Variants in PTPRD observed in about 807,000 individuals in gnomAD.
The protein encoded by PTPRD is protein tyrosine phosphatase receptor type D, also known as receptor-type tyrosine-protein phosphatase delta.
A neutral mutation model predicts 214.5 loss-of-function variants in PTPRD; 34 were observed. The observed-to-expected ratio is 0.16, with a 90% CI of 0.12 to 0.21. The LOEUF (loss-of-function observed/expected upper bound fraction) is 0.21. Ranked by LOEUF, PTPRD falls within the 10% of genes least tolerant of loss-of-function variation. The probability of loss-of-function intolerance (pLI) is 1.00; values close to 1 mark genes in which losing one functional copy is unlikely to be tolerated. For missense variants in PTPRD, 2,545 were observed against 2,398.7 expected (o/e 1.06, Z -1.27); for synonymous variants, 1,128 against 845.7 (o/e 1.33, Z -5.79).
intron 11 of PTPRD, among the ~76,000 whole-genome samples, chr9:8,827,585 C>A (rs1340135311): frequency 6.6e-6 from 1 of 152,120 alleles, no homozygotes; most frequent in Admixed American, 6.5e-5. Context: ...CCAGCCTGGG[C>A]AATAGAGTGA....
chr9:10,453,967 C>T (rs112523703), intron 2 of PTPRD, among the ~76,000 whole-genome samples: 1,825 of 151,494 alleles, frequency 0.012, 33 homozygotes, highest in African/African-American at 0.04. Context: ...TGAGGTTACC[C>T]CAAACAATAG....
chr9:8,465,335 T>A (rs2096525572), intron 32 of PTPRD, 131 bp downstream of exon 32: 1 of 778,048 alleles, frequency 1.3e-6, no homozygotes, highest in East Asian at 2.6e-5. Context: ...GTAGGCAGCC[T>A]GTTATTACAC....
chr9:9,230,223 A>G (rs2099962242), intron 9 of PTPRD, among the ~76,000 whole-genome samples: 1 of 152,096 alleles, frequency 6.6e-6, no homozygotes, highest in Non-Finnish European at 1.5e-5. Flanking sequence ...GGGCGGTTCG[A>G]CAGAAAGACT....
chr9:8,626,457 A>T (rs2096040476), intron 14 of PTPRD, among the ~76,000 whole-genome samples: 1 of 151,820 alleles, frequency 6.6e-6, no homozygotes, highest in Non-Finnish European at 1.5e-5. Context: ...CATTGTTTAT[A>T]CCCACCTGTA....
At chr9:10,466,623 C>CAAAAAA (rs66705572) in intron 2 of PTPRD, among the ~76,000 whole-genome samples, 170 of 76,874 alleles carry the variant, frequency 2.2e-3, no homozygotes, top group African/African-American at 4.1e-3. Context: ...AACTCCAACT[C>CAAAAAA]AAAAAAAAAA....
intron 32 of PTPRD, among the ~76,000 whole-genome samples, chr9:8,461,235 G>C (rs1398847357): frequency 1.3e-5 from 2 of 151,986 alleles, no homozygotes; most frequent in Non-Finnish European, 2.9e-5. Flanking sequence ...TGATGATATG[G>C]CTTTATAAAA....
At chr9:9,985,483 G>C (rs1277822914) in intron 4 of PTPRD, among the ~76,000 whole-genome samples, 1 of 152,080 alleles carries the variant, frequency 6.6e-6, no homozygotes, top group Non-Finnish European at 1.5e-5. Flanking sequence ...CTTTGGGAAA[G>C]ATTCTTTTAC....
intron 7 of PTPRD, among the ~76,000 whole-genome samples, chr9:9,622,289 C>A (rs1414746395): frequency 1.3e-5 from 2 of 152,134 alleles, no homozygotes; most frequent in Non-Finnish European, 2.9e-5. Context: ...TTCCTATTTT[C>A]TCACAGGAAG....
intron 8 of PTPRD, among the ~76,000 whole-genome samples, chr9:9,563,997 A>T (rs1407895882): frequency 6.6e-6 from 1 of 152,120 alleles, no homozygotes; most frequent in Non-Finnish European, 1.5e-5. Context: ...CCTAGGTTCA[A>T]CTGAGTAGGT....
chr9:9,599,624 C>A (rs2093611222), intron 7 of PTPRD, among the ~76,000 whole-genome samples: 1 of 151,340 alleles, frequency 6.6e-6, no homozygotes, highest in Admixed American at 6.6e-5. Context: ...GAGTAATTTC[C>A]ACAAATTTAT....
chr9:8,525,115 T>G, intron 17 of PTPRD, 80 bp from the exon 18 acceptor site: 2 of 1,219,426 alleles, frequency 1.6e-6, no homozygotes, highest in Non-Finnish European at 2.4e-6. Flanking sequence ...CTCTTAACAA[T>G]ATGAAAAGCC....
At chr9:10,375,103 T>C (rs1598413259) in intron 2 of PTPRD, among the ~76,000 whole-genome samples, 1 of 152,056 alleles carries the variant, frequency 6.6e-6, no homozygotes, top group African/African-American at 2.4e-5. Flanking sequence ...ATAAGCAAGG[T>C]TCAAAGAATC....
intron 12 of PTPRD, among the ~76,000 whole-genome samples, chr9:8,726,391 C>T (rs1292052721): frequency 7.3e-5 from 11 of 150,486 alleles, no homozygotes; most frequent in Non-Finnish European, 1.5e-4. Flanking sequence ...GAGTTCGAGA[C>T]CAGCCTGGGC....
chr9:8,802,576 G>C (rs1220949207), intron 11 of PTPRD, among the ~76,000 whole-genome samples: 1 of 152,176 alleles, frequency 6.6e-6, no homozygotes, highest in Non-Finnish European at 1.5e-5. Context: ...TCAGCCTGCA[G>C]GAAGTTCCCA....
At chr9:8,752,549 T>C (rs2093631017) in intron 11 of PTPRD, among the ~76,000 whole-genome samples, 1 of 152,174 alleles carries the variant, frequency 6.6e-6, no homozygotes, top group African/African-American at 2.4e-5. Flanking sequence ...TTCACTTTAC[T>C]CTATGGACTC....
At chr9:10,568,314 G>T (rs2066322638) in intron 2 of PTPRD, among the ~76,000 whole-genome samples, 1 of 152,010 alleles carries the variant, frequency 6.6e-6, no homozygotes, top group Non-Finnish European at 1.5e-5. Context: ...TTTTATGGCT[G>T]CATAGTATTC....
chr9:10,218,127 G>C (rs1052385764), intron 3 of PTPRD, among the ~76,000 whole-genome samples: 2 of 152,030 alleles, frequency 1.3e-5, no homozygotes, highest in South Asian at 2.1e-4. Flanking sequence ...AAGAAAAACA[G>C]AGAGCCACTG....
intron 39 of PTPRD, 85 bp from the exon 40 acceptor site, chr9:8,342,063 A>C: frequency 6.1e-6 from 8 of 1,316,394 alleles, no homozygotes; most frequent in Non-Finnish European, 8.1e-6. Context: ...ATTCTTATTA[A>C]CTAGACCTTA....
chr9:8,590,450 C>G (rs928794892), intron 14 of PTPRD, among the ~76,000 whole-genome samples: 3 of 152,090 alleles, frequency 2.0e-5, no homozygotes, highest in Admixed American at 6.6e-5. Flanking sequence ...TGCAACCAAT[C>G]AAGTTTTACA....
Sources: allele counts gnomAD v4.1 joint callset (sites outside exome capture counted in the v4.1 genomes callset), GRCh38; gene constraint gnomAD v4.1.1; transcripts MANE v1.5; gene names NCBI Gene and HGNC (gene_info 2026-07-23, HGNC 2026-07-21).